Variants in MACROD2 observed in about 807,000 individuals in gnomAD.
MACROD2 encodes the protein ADP-ribose glycohydrolase MACROD2.
MACROD2 carries 36 observed loss-of-function variants against 70.4 expected under a neutral mutation model. That is an observed-to-expected ratio of 0.51 (90% CI 0.39 to 0.68). The LOEUF is 0.68. Ranked by LOEUF, MACROD2 falls within the 30% of genes least tolerant of loss-of-function variation. The pLI is 0.00. For missense variants in MACROD2, 496 were observed against 538.4 expected (o/e 0.92, Z 0.78); for synonymous variants, 172 against 178.8 (o/e 0.96, Z 0.30).
intron 5 of MACROD2, among the ~76,000 whole-genome samples, chr20:15,089,364 A>C (rs2123159669): frequency 6.6e-6 from 1 of 152,214 alleles, no homozygotes; most frequent in South Asian, 2.1e-4. Flanking sequence ...AAATGTTTTA[A>C]AGTGGAAAAT....
intron 5 of MACROD2, among the ~76,000 whole-genome samples, chr20:15,003,598 C>A (rs1024912632): frequency 1.3e-5 from 2 of 152,146 alleles, no homozygotes; most frequent in Admixed American, 1.3e-4. Flanking sequence ...TGAGCTAACC[C>A]ACTCCCTATC....
intron 13 of MACROD2, 49 bp downstream of exon 13, chr20:15,967,679 CAGAA>C (rs759063189): frequency 4.9e-4 from 136 of 277,726 alleles, no homozygotes; most frequent in Admixed American, 3.4e-3. Context: ...TGCTGGGAAA[CAGAA>C]AAAAAAAAAA....
chr20:14,039,476 T>A (rs2053359359), intron 2 of MACROD2, among the ~76,000 whole-genome samples: 1 of 152,174 alleles, frequency 6.6e-6, no homozygotes, highest in Non-Finnish European at 1.5e-5. Flanking sequence ...CACTTTTAAA[T>A]AAATCCTTAG....
intron 8 of MACROD2, among the ~76,000 whole-genome samples, chr20:15,725,014 G>A (rs1216926710): frequency 1.3e-5 from 2 of 152,122 alleles, no homozygotes; most frequent in East Asian, 3.9e-4. Flanking sequence ...TCCGGGAGGC[G>A]GAGCTTGCAG....
chr20:15,018,802 C>T (rs2075141638), intron 5 of MACROD2, among the ~76,000 whole-genome samples: 1 of 152,190 alleles, frequency 6.6e-6, no homozygotes, highest in Non-Finnish European at 1.5e-5. Flanking sequence ...CTTTTGGCAA[C>T]ACCCACACAG....
At chr20:14,328,699 G>A (rs766503644) in intron 3 of MACROD2, among the ~76,000 whole-genome samples, 5 of 152,018 alleles carry the variant, frequency 3.3e-5, no homozygotes, top group Admixed American at 2.0e-4. Context: ...GTTCTTCACC[G>A]TTTATTCAAG....
intron 15 of MACROD2, among the ~76,000 whole-genome samples, chr20:16,011,657 T>C (rs2066864499): frequency 6.6e-6 from 1 of 152,198 alleles, no homozygotes. Context: ...GGAAGGCAGC[T>C]TGTGAGGTGT....
chr20:14,161,341 C>T (rs943124611), intron 3 of MACROD2, among the ~76,000 whole-genome samples: 8 of 151,606 alleles, frequency 5.3e-5, no homozygotes, highest in Non-Finnish European at 1.2e-4. Context: ...GTGCACGCCA[C>T]CACACCCAGC....
intron 6 of MACROD2, among the ~76,000 whole-genome samples, chr20:15,260,718 AC>A (rs900560696): frequency 6.6e-6 from 1 of 151,946 alleles, no homozygotes; most frequent in African/African-American, 2.4e-5. Context: ...GTACCAGCTT[AC>A]ATTCCCTCAC....
At chr20:14,374,415 T>C (rs2083353587) in intron 3 of MACROD2, among the ~76,000 whole-genome samples, 1 of 152,116 alleles carries the variant, frequency 6.6e-6, no homozygotes, top group Non-Finnish European at 1.5e-5. Context: ...TTGGTCACCA[T>C]AGTTACAGTT....
At chr20:15,126,132 T>G (rs1601107845) in intron 5 of MACROD2, among the ~76,000 whole-genome samples, 1 of 94,010 alleles carries the variant, frequency 1.1e-5, no homozygotes, top group East Asian at 3.4e-4. Context: ...TTTTTTTTTT[T>G]GCTCTTATGA....
chr20:15,889,636 T>C (rs1400815022), intron 10 of MACROD2, among the ~76,000 whole-genome samples: 1 of 152,210 alleles, frequency 6.6e-6, no homozygotes, highest in Non-Finnish European at 1.5e-5. Flanking sequence ...GTAAGTCCTT[T>C]AATCATCTTC....
At chr20:15,680,069 C>T (rs1048490538) in intron 8 of MACROD2, among the ~76,000 whole-genome samples, 3 of 152,132 alleles carry the variant, frequency 2.0e-5, no homozygotes, top group African/African-American at 7.2e-5. Context: ...CCCGTGGGGA[C>T]AGTCAAGGTC....
At chr20:14,534,427 C>G (rs2085340879) in intron 4 of MACROD2, among the ~76,000 whole-genome samples, 1 of 152,162 alleles carries the variant, frequency 6.6e-6, no homozygotes, top group Non-Finnish European at 1.5e-5. Flanking sequence ...TTTATCCATG[C>G]TTCTGTTTTC....
chr20:15,528,410 T>C (rs989432640), intron 8 of MACROD2, among the ~76,000 whole-genome samples: 8 of 152,222 alleles, frequency 5.3e-5, no homozygotes, highest in Non-Finnish European at 5.9e-5. Context: ...CATGAGCCAC[T>C]GCGCCTGGCC....
At chr20:14,039,094 A>T (rs2053354877) in intron 2 of MACROD2, among the ~76,000 whole-genome samples, 1 of 152,230 alleles carries the variant, frequency 6.6e-6, no homozygotes, top group Non-Finnish European at 1.5e-5. Flanking sequence ...TTACTCTTTT[A>T]AAGTACCATT....
chr20:15,815,520 C>T (rs2063864461), intron 8 of MACROD2, among the ~76,000 whole-genome samples: 1 of 152,006 alleles, frequency 6.6e-6, no homozygotes, highest in South Asian at 2.1e-4. Context: ...CAATCTCAGT[C>T]TCCCTTGGGT....
intron 3 of MACROD2, among the ~76,000 whole-genome samples, chr20:14,467,675 C>T (rs1447348430): frequency 2.0e-5 from 3 of 152,034 alleles, no homozygotes; most frequent in African/African-American, 4.8e-5. Flanking sequence ...GGCTCCACCC[C>T]TTCTCTAGTT....
chr20:14,635,343 C>G (rs1339430740), intron 4 of MACROD2, among the ~76,000 whole-genome samples: 1 of 152,112 alleles, frequency 6.6e-6, no homozygotes, highest in East Asian at 1.9e-4. Flanking sequence ...CACCCACTAG[C>G]AAAGGTGACA....
Sources: allele counts gnomAD v4.1 joint callset (sites outside exome capture counted in the v4.1 genomes callset), GRCh38; gene constraint gnomAD v4.1.1; transcripts MANE v1.5; gene names NCBI Gene and HGNC (gene_info 2026-07-23, HGNC 2026-07-21).